SLC22A9: variants seen among roughly 807,000 people sequenced by gnomAD.
The protein encoded by SLC22A9 is solute carrier family 22 member 9.
Under a neutral mutation model 50.1 loss-of-function variants are expected in SLC22A9, and 64 were observed. The observed-to-expected ratio is 1.28, with a 90% confidence interval of 1.04 to 1.57. SLC22A9 has a LOEUF of 1.57. Among genes scored for constraint, SLC22A9 ranks in the 40% most tolerant of loss-of-function variants. The probability of loss-of-function intolerance (pLI) is 0.00; values close to 1 mark genes in which losing one functional copy is unlikely to be tolerated. For synonymous variants in SLC22A9, 261 were observed against 242.5 expected, an observed-to-expected ratio of 1.08 and a Z score of -0.71; for missense variants, 757 against 676.1, an observed-to-expected ratio of 1.12 and a Z score of -1.33.
At chr11:63,398,470 A>T (rs780909541) in intron 6 of SLC22A9, among the ~76,000 whole-genome samples, 1 of 152,156 alleles carries the variant, frequency 6.6e-6, no homozygotes, top group Non-Finnish European at 1.5e-5. Flanking sequence ...TTAGTCCATG[A>T]TGGTGAGGCT....
At chr11:63,383,427 G>C (rs2014602378) in intron 6 of SLC22A9, among the ~76,000 whole-genome samples, 1 of 152,156 alleles carries the variant, frequency 6.6e-6, no homozygotes, top group Non-Finnish European at 1.5e-5. Flanking sequence ...ACAGAAACCA[G>C]TAGATCTCTC....
At chr11:63,408,912 T>C in intron 9 of SLC22A9, 33 bp downstream of exon 9, 1 of 1,608,090 alleles carries the variant, frequency 6.2e-7, no homozygotes, top group Non-Finnish European at 8.5e-7. Context: ...CCTCAGAGGA[T>C]CTGTGTGCTA....
chr11:63,374,783 A>T (rs1330965208), intron 4 of SLC22A9, among the ~76,000 whole-genome samples: 1 of 152,142 alleles, frequency 6.6e-6, no homozygotes, highest in Admixed American at 6.6e-5. Flanking sequence ...CTTAATTATT[A>T]TAGGTGATAT....
rs1229969330 is a variant in SLC22A9, at chr11:63,408,776, A to G, written c.1498A>G (p.Ile500Val). 1 of 1,613,884 alleles carries G rather than the reference A, an allele frequency of 6.2e-7. No individual in the cohort carries two copies. Among genetic ancestry groups the G allele is most frequent in the South Asian group, 1.1e-5 (1 of 91,076 alleles). The change falls in exon 9 of 10, where the codon ATC (isoleucine) becomes GTC (valine). Residue 500 changes from isoleucine (I) to valine (V), a missense_variant. Transcript: ENST00000279178. ...LSVYSPPLPWIIYGVFPFISG... is the reference protein window; with the variant it reads ...LSVYSPPLPWVIYGVFPFISG... ...TGTGTATTCTCCACCCCTGCCCTGG[A>G]TCATCTATGGAGTCTTCCCCTTCAT...
chr11:63,372,746 T>C (rs1272762233), intron 2 of SLC22A9, among the ~76,000 whole-genome samples: 1 of 152,168 alleles, frequency 6.6e-6, no homozygotes, highest in Non-Finnish European at 1.5e-5. Context: ...TTTTTATTAA[T>C]TTATTTCTAA....
At chr11:63,400,976 C>A (rs1006106608) in intron 6 of SLC22A9, among the ~76,000 whole-genome samples, 2 of 151,938 alleles carry the variant, frequency 1.3e-5, no homozygotes, top group Non-Finnish European at 2.9e-5. Flanking sequence ...AAGCTCTCAA[C>A]AAACTGAGCA....
intron 6 of SLC22A9, among the ~76,000 whole-genome samples, chr11:63,395,247 G>A (rs1222178272): frequency 6.6e-6 from 1 of 151,960 alleles, no homozygotes; most frequent in East Asian, 1.9e-4. Context: ...GGTAAATCAA[G>A]AATTTCTTCT....
At chr11:63,405,644 G>A (rs888716238) in intron 6 of SLC22A9, among the ~76,000 whole-genome samples, 2 of 152,128 alleles carry the variant, frequency 1.3e-5, no homozygotes, top group Non-Finnish European at 2.9e-5. Context: ...TCAATAAGTT[G>A]TACATTTTAG....
At chr11:63,386,426 G>C (rs1202924304) in intron 6 of SLC22A9, among the ~76,000 whole-genome samples, 1 of 125,772 alleles carries the variant, frequency 8.0e-6, no homozygotes, top group Non-Finnish European at 1.6e-5. Flanking sequence ...AATCCACGTG[G>C]ACCTGGACTT....
intron 9 of SLC22A9, 126 bp from the exon 10 acceptor site, chr11:63,409,676 A>G: frequency 1.1e-6 from 1 of 907,368 alleles, no homozygotes; most frequent in Non-Finnish European, 1.7e-6. Flanking sequence ...TTGGGGGCAG[A>G]GATATGGTTT....
Position 63,370,442 on chromosome 11 carries a change from C to T in SLC22A9, c.386C>T (p.Ser129Phe). The T allele has an allele frequency of 6.3e-7, 1 of 1,591,084 alleles. No homozygotes were observed. ...GTGTATGACAGAATCTCCTTCTCAT[C>T]CACCATCGTGACTGAGGTAAGAGGC... ...GWVYDRISFS[S>F]TIVTEWDLVC... The change falls in exon 1 of 10, where the codon TCC becomes TTC. Residue 129 changes from serine (S) to phenylalanine (F), a missense_variant. By Grantham distance (155) the Ser-to-Phe change is radical. Coordinates refer to ENST00000279178, the MANE Select transcript of SLC22A9 (RefSeq NM_080866.3).
intron 5 of SLC22A9, among the ~76,000 whole-genome samples, chr11:63,381,732 T>A (rs1213120182): frequency 1.3e-5 from 2 of 152,150 alleles, no homozygotes; most frequent in Non-Finnish European, 2.9e-5. Flanking sequence ...ATTTTGCTCC[T>A]TTCTGAGGCA....
intron 6 of SLC22A9, among the ~76,000 whole-genome samples, chr11:63,392,903 A>G (rs1288711689): frequency 6.6e-6 from 1 of 152,022 alleles, no homozygotes; most frequent in East Asian, 1.9e-4. Flanking sequence ...CAATTTCTTG[A>G]TCTGTGCATG....
chr11:63,375,310 T>G (rs2014440905), intron 4 of SLC22A9, among the ~76,000 whole-genome samples: 1 of 152,086 alleles, frequency 6.6e-6, no homozygotes, highest in African/African-American at 2.4e-5. Flanking sequence ...AGAATAGACA[T>G]AAGTCATGAC....
At chr11:63,390,563 G>GT (rs1256419948) in intron 6 of SLC22A9, among the ~76,000 whole-genome samples, 3 of 152,114 alleles carry the variant, frequency 2.0e-5, no homozygotes, top group East Asian at 1.9e-4. Context: ...GTGCCATGCT[G>GT]TTTTGGGGTC....
intron 6 of SLC22A9, among the ~76,000 whole-genome samples, chr11:63,394,982 T>A (rs1033633942): frequency 4.6e-5 from 7 of 152,016 alleles, no homozygotes; most frequent in Non-Finnish European, 8.8e-5. Flanking sequence ...AATTTGAAGA[T>A]CTTGTCTTCG....
rs201460670 is a variant in SLC22A9, at chr11:63,370,093, C to G, written c.37C>G (p.Leu13Val). 7 of 1,613,746 alleles carry G rather than the reference C, an allele frequency of 4.3e-6. No individual in the cohort carries two copies. The highest frequency in any genetic ancestry group is 1.3e-5 in the African/African-American group (1 of 75,034). The change falls in exon 1 of 10, where the codon CTG becomes GTG. Residue 13 changes from leucine (L) to valine (V), a missense_variant. Physicochemically the swap from Leu to Val is conservative, Grantham distance 32 (BLOSUM62 1). Coordinates refer to ENST00000279178, the MANE Select transcript of SLC22A9 (RefSeq NM_080866.3). ...GGACCTCCTGGGTCACGCTGGTGAC[C>G]TGTGGAGATTCCAGATCCTTCAGAC... ...FQDLLGHAGD[L>V]WRFQILQTVF...
chr11:63,389,689 A>G (rs985765608), intron 6 of SLC22A9, among the ~76,000 whole-genome samples: 2 of 152,208 alleles, frequency 1.3e-5, no homozygotes, highest in Admixed American at 1.3e-4. Context: ...TCCTTTGGGT[A>G]CATACCCAGT....
chr11:63,397,261 G>A (rs946472973), intron 6 of SLC22A9, among the ~76,000 whole-genome samples: 3 of 152,116 alleles, frequency 2.0e-5, no homozygotes, highest in South Asian at 2.1e-4. Context: ...GAGCTGCCTC[G>A]AGCTGGGGGA....
Sources: gnomAD v4.1 joint callset for allele counts (sites outside exome capture counted in the v4.1 genomes callset) on GRCh38, gnomAD v4.1.1 for gene constraint, MANE v1.5 for transcripts, NCBI Gene and HGNC (gene_info 2026-07-23, HGNC 2026-07-21) for gene names.